The following PDILT variants were observed in gnomAD, a reference collection of about 807,000 sequenced individuals.
The protein encoded by PDILT is protein disulfide-isomerase-like protein of the testis.
Under a neutral mutation model 53.7 loss-of-function variants are expected in PDILT, and 43 were observed. That is an observed-to-expected ratio of 0.80 (90% CI 0.63 to 1.03). The LOEUF is 1.03. Among genes scored for constraint, PDILT ranks in the 50% least tolerant of loss-of-function variants. The pLI, the probability that PDILT is intolerant of heterozygous loss-of-function variation, is 0.00. For missense variants in PDILT, 727 were observed against 712.3 expected (o/e 1.02, Z -0.24); for synonymous variants, 282 against 274.2 (o/e 1.03, Z -0.28).
intron 1 of PDILT, among the ~76,000 whole-genome samples, chr16:20,402,531 T>C (rs1966756710): frequency 6.6e-6 from 1 of 152,198 alleles, no homozygotes. Flanking sequence ...ACTCCTGACC[T>C]CAGGTGATCC....
Position 20,359,562 on chromosome 16 carries a change from C to A in PDILT, c.1512G>T (p.Leu504Phe), listed in dbSNP as rs148051428. Residue 504 changes from leucine to phenylalanine, a missense_variant, in exon 12 of 12, where the codon TTG becomes TTT. By Grantham distance (22) the Leu-to-Phe change is conservative. Transcript: ENST00000302451. ...CTATCACTTCATTTTGCTCAACAGA[C>A]AACAGCTATGAAAGCAAAGGTGGAA... Reference protein sequence around the residue: ...KTKIEDEDELLSVEQNEVIEE... With the variant: ...KTKIEDEDELFSVEQNEVIEE... The A allele has an allele frequency of 2.0e-5, 33 of 1,613,438 alleles. No individual in the cohort carries two copies. Among genetic ancestry groups the A allele is most frequent in the Non-Finnish European group, 2.7e-5 (32 of 1,179,728 alleles).
At chr16:20,362,153 C>A (rs1271356881) in intron 10 of PDILT, among the ~76,000 whole-genome samples, 1 of 152,246 alleles carries the variant, frequency 6.6e-6, no homozygotes, top group East Asian at 1.9e-4. Flanking sequence ...CCCATCAAAA[C>A]ACCCACATCC....
At chr16:20,370,903 G>C (rs1966297407) in intron 7 of PDILT, among the ~76,000 whole-genome samples, 1 of 152,088 alleles carries the variant, frequency 6.6e-6, no homozygotes, top group African/African-American at 2.4e-5. Flanking sequence ...TACACTATAT[G>C]GTCTAAAAAG....
chr16:20,387,652 G>T (rs918012393), intron 2 of PDILT, among the ~76,000 whole-genome samples: 1 of 150,996 alleles, frequency 6.6e-6, no homozygotes, highest in South Asian at 2.1e-4. Flanking sequence ...GACGGATCTT[G>T]TTCTGTCACC....
At position 20,374,818 on chromosome 16, in the gene PDILT, C is replaced by T. The variant is rs1181920188; in HGVS notation, c.681+4G>A. ...TCTCACTAGCAATAGGATCAAAATC[C>T]TACCTTTTTGAACACCAGGACGCTG... On this transcript the variant is annotated splice_donor_region_variant and intron_variant, in intron 5 of 11. Transcript: ENST00000302451. 13 of 1,610,392 alleles carry T rather than the reference C, an allele frequency of 8.1e-6. No individual in the cohort carries two copies. Among genetic ancestry groups the T allele is most frequent in the South Asian group, 1.1e-5 (1 of 90,160 alleles).
At chr16:20,361,151 T>C (rs889941328) in intron 10 of PDILT, among the ~76,000 whole-genome samples, 2 of 151,946 alleles carry the variant, frequency 1.3e-5, no homozygotes, top group Non-Finnish European at 2.9e-5. Flanking sequence ...AAGCATCTGG[T>C]ACATGGTCAG....
intron 7 of PDILT, 134 bp downstream of exon 7, chr16:20,372,668 A>G (rs1433279798): frequency 9.7e-7 from 1 of 1,029,312 alleles, no homozygotes; most frequent in Non-Finnish European, 1.4e-6. Context: ...AAATCAGAAA[A>G]CTGACAGGCA....
intron 5 of PDILT, among the ~76,000 whole-genome samples, chr16:20,373,597 T>C (rs1567323566): frequency 6.6e-6 from 1 of 152,240 alleles, no homozygotes; most frequent in Admixed American, 6.5e-5. Context: ...CTTTTCACTA[T>C]ACATAGTGAA....
At chr16:20,390,917 G>C (rs1966599492) in intron 2 of PDILT, 1 of 152,160 alleles carries the variant, frequency 6.6e-6, no homozygotes. Context: ...ACAGGTGCTT[G>C]ATAAATGGCC....
At chr16:20,365,688 A>G (rs1966181124) in intron 8 of PDILT, 148 bp from the exon 9 acceptor site, 2 of 1,022,552 alleles carry the variant, frequency 2.0e-6, no homozygotes, top group East Asian at 2.4e-5. Context: ...GAGATGGATC[A>G]TGAGCTTGAT....
At chr16:20,400,036 A>T (rs563110610) in intron 1 of PDILT, among the ~76,000 whole-genome samples, 2 of 122,470 alleles carry the variant, frequency 1.6e-5, no homozygotes, top group East Asian at 2.3e-4. Flanking sequence ...CTATCTATCT[A>T]TCTATCTATC....
intron 1 of PDILT, among the ~76,000 whole-genome samples, chr16:20,400,027 T>C (rs972586758): frequency 8.7e-6 from 1 of 115,112 alleles, no homozygotes; most frequent in Non-Finnish European, 1.7e-5. Context: ...TCTATCTATC[T>C]ATCTATCTAT....
intron 8 of PDILT, 22 bp from the exon 9 acceptor site, chr16:20,365,562 C>T: frequency 1.2e-6 from 2 of 1,612,986 alleles, no homozygotes; most frequent in African/African-American, 1.3e-5. Context: ...ATTTGAGAGG[C>T]CTAAGAGTCT....
chr16:20,389,261 C>T (rs1287753935), intron 2 of PDILT, among the ~76,000 whole-genome samples: 1 of 151,874 alleles, frequency 6.6e-6, no homozygotes. Context: ...GTTTACTTTC[C>T]TTGTGGCCCA....
intron 3 of PDILT, among the ~76,000 whole-genome samples, chr16:20,376,949 A>G (rs895782839): frequency 6.6e-6 from 1 of 152,242 alleles, no homozygotes; most frequent in East Asian, 1.9e-4. Context: ...GTAAAATATT[A>G]TATATTTGTA....
chr16:20,374,040 C>T (rs1407746117), intron 5 of PDILT, among the ~76,000 whole-genome samples: 3 of 152,064 alleles, frequency 2.0e-5, no homozygotes, highest in Non-Finnish European at 4.4e-5. Flanking sequence ...CTCAACCTCC[C>T]AGATTCAATC....
intron 3 of PDILT, among the ~76,000 whole-genome samples, chr16:20,384,318 G>A (rs575209034): frequency 6.6e-6 from 1 of 152,182 alleles, no homozygotes; most frequent in Admixed American, 6.5e-5. Flanking sequence ...GAGCTGAACT[G>A]TATTTCTCCG....
chr16:20,370,411 G>T (rs1966287869), intron 7 of PDILT, among the ~76,000 whole-genome samples: 1 of 152,192 alleles, frequency 6.6e-6, no homozygotes, highest in Admixed American at 6.5e-5. Flanking sequence ...CTCAGGATTA[G>T]GTAGGGTGGT....
At chr16:20,402,258 T>C (rs556023070) in intron 1 of PDILT, among the ~76,000 whole-genome samples, 20 of 150,972 alleles carry the variant, frequency 1.3e-4, no homozygotes, top group Non-Finnish European at 1.8e-4. Context: ...TAAGAGAAGA[T>C]TCAAAAGTGT....
Sources: gnomAD v4.1 joint callset for allele counts (sites outside exome capture counted in the v4.1 genomes callset) on GRCh38, gnomAD v4.1.1 for gene constraint, MANE v1.5 for transcripts, NCBI Gene and HGNC (gene_info 2026-07-23, HGNC 2026-07-21) for gene names.